PGCKA1: variants seen among roughly 807,000 people sequenced by gnomAD.
PGCKA1 encodes the protein PDCD10 and GCKIII kinases-associated protein 1.
chr4:37,508,465 C>T, the PGCKA1 span, among the ~76,000 whole-genome samples: 1 of 152,080 alleles, frequency 6.6e-6, no homozygotes, highest in African/African-American at 2.4e-5. Context: ...CTAATTCTTT[C>T]ATCTGTTTGA....
the PGCKA1 span, among the ~76,000 whole-genome samples, chr4:37,526,372 GGATTCTA>G: frequency 2.0e-5 from 3 of 152,166 alleles, no homozygotes; most frequent in African/African-American, 7.2e-5. Context: ...TTGGCCCGTA[GGATTCTA>G]TAGTTGCTTT....
the PGCKA1 span, among the ~76,000 whole-genome samples, chr4:37,555,962 CT>C: frequency 6.6e-6 from 1 of 152,200 alleles, no homozygotes; most frequent in Non-Finnish European, 1.5e-5. Flanking sequence ...AGAATATTTA[CT>C]GCTCCCATCA....
At chr4:37,524,373 G>C in the PGCKA1 span, among the ~76,000 whole-genome samples, 1 of 113,092 alleles carries the variant, frequency 8.8e-6, no homozygotes, top group East Asian at 3.5e-4. Flanking sequence ...TAGTCATGGA[G>C]GCTTGATTGG....
chr4:37,509,647 C>T, the PGCKA1 span, among the ~76,000 whole-genome samples: 3 of 151,008 alleles, frequency 2.0e-5, no homozygotes, highest in African/African-American at 4.9e-5. Flanking sequence ...GCCGAGATCA[C>T]GCCACCGCAC....
chr4:37,501,266 C>A, the PGCKA1 span, among the ~76,000 whole-genome samples: 2 of 152,022 alleles, frequency 1.3e-5, no homozygotes, highest in Non-Finnish European at 2.9e-5. Flanking sequence ...AGGAACCGGG[C>A]CACACAGCAG....
chr4:37,554,504 C>T, the PGCKA1 span, among the ~76,000 whole-genome samples: 7 of 152,102 alleles, frequency 4.6e-5, no homozygotes, highest in Non-Finnish European at 7.4e-5. Context: ...TGTGCCACCA[C>T]GCCTGGCTAA....
the PGCKA1 span, among the ~76,000 whole-genome samples, chr4:37,522,802 C>A: frequency 6.6e-6 from 1 of 151,936 alleles, no homozygotes; most frequent in African/African-American, 2.4e-5. Context: ...GGAACAGGGG[C>A]CTCAGGACTC....
At chr4:37,455,769 G>A in the PGCKA1 span, among the ~76,000 whole-genome samples, 103 of 152,240 alleles carry the variant, frequency 6.8e-4, no homozygotes, top group African/African-American at 2.4e-3. Context: ...CTAAGCTCCG[G>A]CCAGAATCCA....
chr4:37,569,621 T>C, the PGCKA1 span, among the ~76,000 whole-genome samples: 8 of 152,234 alleles, frequency 5.3e-5, no homozygotes, highest in African/African-American at 1.7e-4. Flanking sequence ...GTCATTTTGA[T>C]AGCAGATTTT....
chr4:37,571,355 C>CATTTTTTTTTTTTTTTTTT, the PGCKA1 span, among the ~76,000 whole-genome samples: 1 of 78,036 alleles, frequency 1.3e-5, no homozygotes. Context: ...GACTATTATC[C>CATTTTTTTTTTTTTTTTTT]TTTTTTTTTT....
the PGCKA1 span, among the ~76,000 whole-genome samples, chr4:37,571,845 T>C: frequency 1.3e-5 from 2 of 152,040 alleles, no homozygotes; most frequent in Admixed American, 1.3e-4. Flanking sequence ...TTGGCCAGAC[T>C]GGTCTCGAAC....
chr4:37,468,750 A>T, the PGCKA1 span, among the ~76,000 whole-genome samples: 9 of 152,050 alleles, frequency 5.9e-5, no homozygotes, highest in East Asian at 1.5e-3. Flanking sequence ...ATACCCCCCC[A>T]CACACATATG....
chr4:37,523,669 T>A, the PGCKA1 span, among the ~76,000 whole-genome samples: 3 of 152,182 alleles, frequency 2.0e-5, no homozygotes, highest in Non-Finnish European at 4.4e-5. Context: ...CTGTATGTTA[T>A]ATACACATGT....
chr4:37,582,160 T>C, the PGCKA1 span, among the ~76,000 whole-genome samples: 6 of 152,164 alleles, frequency 3.9e-5, no homozygotes, highest in Non-Finnish European at 7.4e-5. Flanking sequence ...CAGTTCAAGA[T>C]TGTCTTTCCT....
chr4:37,498,307 T>C, the PGCKA1 span, among the ~76,000 whole-genome samples: 2 of 152,238 alleles, frequency 1.3e-5, no homozygotes, highest in Admixed American at 1.3e-4. Flanking sequence ...TTTTGGTGAC[T>C]ATGGCCTTAT....
the PGCKA1 span, among the ~76,000 whole-genome samples, chr4:37,503,551 A>G: frequency 6.6e-6 from 1 of 152,184 alleles, no homozygotes; most frequent in Non-Finnish European, 1.5e-5. Context: ...TGTTCCTTAT[A>G]GTGGTTGTAC....
chr4:37,494,229 C>A, the PGCKA1 span, among the ~76,000 whole-genome samples: 1 of 152,016 alleles, frequency 6.6e-6, no homozygotes, highest in African/African-American at 2.4e-5. Context: ...TATTTTGTCA[C>A]CCAGATATTA....
At chr4:37,573,128 C>T in the PGCKA1 span, among the ~76,000 whole-genome samples, 1 of 152,098 alleles carries the variant, frequency 6.6e-6, no homozygotes, top group South Asian at 2.1e-4. Context: ...TTCACTTAAG[C>T]ATGTATATCA....
chr4:37,456,496 A>G, the PGCKA1 span, among the ~76,000 whole-genome samples: 7,911 of 152,314 alleles, frequency 0.052, 670 homozygotes, highest in African/African-American at 0.18. Context: ...CAGGCATTGT[A>G]GAAAAGATGT....
Sources: gnomAD v4.1 joint callset for allele counts (sites outside exome capture counted in the v4.1 genomes callset) on GRCh38, gnomAD v4.1.1 for gene constraint, MANE v1.5 for transcripts, NCBI Gene and HGNC (gene_info 2026-07-23, HGNC 2026-07-21) for gene names.